Variants in DDX10 observed in about 807,000 individuals in gnomAD.
The protein encoded by DDX10 is probable ATP-dependent RNA helicase DDX10.
In DDX10, 74 loss-of-function variants were observed where a neutral mutation model predicts 104.3. That is an observed-to-expected ratio of 0.71 (90% CI 0.59 to 0.86). The LOEUF is 0.86. Among genes scored for constraint, DDX10 ranks in the 40% least tolerant of loss-of-function variants. DDX10 has a pLI of 0.00. For synonymous variants in DDX10, 351 were observed against 353.4 expected (o/e 0.99, Z 0.08); for missense variants, 952 against 1,040.0 (o/e 0.92, Z 1.16).
chr11:108,665,859 G>T (rs777135345), intron 1 of DDX10, among the ~76,000 whole-genome samples: 8 of 152,128 alleles, frequency 5.3e-5, no homozygotes, highest in African/African-American at 1.9e-4. Context: ...AAGCCAGACT[G>T]CATCCCTCAA....
chr11:108,687,677 A>G (rs767819576), intron 6 of DDX10, among the ~76,000 whole-genome samples: 2 of 152,142 alleles, frequency 1.3e-5, no homozygotes, highest in Non-Finnish European at 2.9e-5. Context: ...ATTTTGGAGA[A>G]CAGTCCTTTA....
In DDX10 at chr11:108,918,003, T is replaced by A; in HGVS notation, c.2435T>A (p.Met812Lys). ...RSSEDSDSED[M>K]ENKISDTKKK... ...TCTGAAGATTCAGATAGTGAAGATATGGAAAATAAAATAAGGTATGTTTTT... is the reference window on the plus strand; with the variant it reads ...TCTGAAGATTCAGATAGTGAAGATAAGGAAAATAAAATAAGGTATGTTTTT... Residue 812 changes from methionine (M) to lysine (K), a missense_variant, in exon 17 of 18, where the codon ATG (methionine) becomes AAG (lysine). Physicochemically the swap from Met to Lys is moderately conservative, Grantham distance 95 (BLOSUM62 -1). This residue lies in a region of DDX10 where 533 missense variants were observed against 534.1 expected (regional missense o/e 1.00). Transcript: ENST00000322536. 6.2e-7 allele frequency: 1 copy of A among 1,613,744 alleles called. No homozygotes were observed. The highest frequency in any genetic ancestry group is 8.5e-7 in the Non-Finnish European group (1 of 1,179,838).
rs534430281 is a variant in DDX10 at position 108,879,090 on chromosome 11, G to A, written c.2304+26881G>A. 7.2e-5 allele frequency among the ~76,000 whole-genome samples: 11 copies of A among 152,096 alleles called. No individual in the cohort carries two copies. In the South Asian group the frequency reaches 2.3e-3, roughly 32 times the overall value. On this transcript the variant is annotated intron_variant, in intron 16 of 17. Transcript: ENST00000322536. The stretch of plus-strand genomic sequence containing the variant: ...GCGATCTCGGCTCACTGCAACCTCC[G>A]CCTCCCAGGTTCAAGCGATTCCCGT...
intron 13 of DDX10, among the ~76,000 whole-genome samples, chr11:108,761,736 C>A (rs867359208): frequency 3.9e-5 from 6 of 152,036 alleles, no homozygotes; most frequent in South Asian, 2.1e-4. Flanking sequence ...TATCTTTTGG[C>A]CTCTGCCATT....
At chr11:108,697,881 G>T (rs1447088646) in intron 9 of DDX10, among the ~76,000 whole-genome samples, 1 of 152,184 alleles carries the variant, frequency 6.6e-6, no homozygotes, top group Non-Finnish European at 1.5e-5. Flanking sequence ...TTTATTTGGG[G>T]AGGGTAGGGG....
In DDX10 at chr11:108,838,470, A is replaced by T; in HGVS notation, c.1990A>T (p.Ile664Phe). 6.2e-7 allele frequency: 1 copy of T among 1,612,564 alleles called. No homozygotes were observed. The highest frequency in any genetic ancestry group is 8.5e-7 in the Non-Finnish European group (1 of 1,179,526). ...LQKKEPSKSS[I>F]KKKMTKVAEA... ...GAAGAAAGAACCTTCTAAATCCAGCATCAAGAAAAAAATGACCAAAGTTGC... is the reference window on the plus strand; with the variant it reads ...GAAGAAAGAACCTTCTAAATCCAGCTTCAAGAAAAAAATGACCAAAGTTGC... The change falls in exon 14 of 18, where the codon ATC becomes TTC. Residue 664 changes from isoleucine (I) to phenylalanine (F), a missense_variant. Ile to Phe is a conservative substitution (Grantham distance 21). This residue lies in a region of DDX10 where 533 missense variants were observed against 534.1 expected (regional missense o/e 1.00). Transcript: ENST00000322536.
At chr11:108,903,769 A>G (rs747114805) in intron 16 of DDX10, among the ~76,000 whole-genome samples, 4 of 152,142 alleles carry the variant, frequency 2.6e-5, no homozygotes, top group Non-Finnish European at 5.9e-5. Context: ...AGATACCAAG[A>G]GACAATTTTA....
At position 108,907,264 on chromosome 11, in the gene DDX10, G is replaced by A. The variant is rs140057166; in HGVS notation, c.2305-10609G>A. On this transcript the variant is annotated intron_variant, in intron 16 of 17. Transcript: ENST00000322536. Reference sequence around the variant, plus strand: ...AGGACCAATTCTGTACTGAGGTGGCGTTTGTCTGAATTTACCTGTTTGTTC... The same window carrying A: ...AGGACCAATTCTGTACTGAGGTGGCATTTGTCTGAATTTACCTGTTTGTTC... Among the ~76,000 whole-genome samples the A allele has an allele frequency of 1.1e-4, 16 of 151,692 alleles. No individual in the cohort carries two copies. The East Asian group carries it at 2.7e-3, about 26-fold the overall frequency.
intron 16 of DDX10, among the ~76,000 whole-genome samples, chr11:108,855,523 G>A (rs1416116185): frequency 6.6e-6 from 1 of 152,034 alleles, no homozygotes; most frequent in South Asian, 2.1e-4. Context: ...GCAGTGACGC[G>A]ATCTTGGCCC....
chr11:108,841,560 A>G (rs896874782), intron 15 of DDX10, 84 bp downstream of exon 15: 12 of 1,227,338 alleles, frequency 9.8e-6, no homozygotes, highest in African/African-American at 9.2e-5. Flanking sequence ...TTCATTAATA[A>G]GTGTATTATT....
chr11:108,915,872 A>G (rs566241239), intron 16 of DDX10, among the ~76,000 whole-genome samples: 1 of 151,998 alleles, frequency 6.6e-6, no homozygotes, highest in African/African-American at 2.4e-5. Context: ...CAATATTGCA[A>G]CAGAATGAAT....
intron 13 of DDX10, among the ~76,000 whole-genome samples, chr11:108,794,642 G>A (rs1861914069): frequency 6.6e-6 from 1 of 151,890 alleles, no homozygotes; most frequent in South Asian, 2.1e-4. Flanking sequence ...TTTTTGGTGG[G>A]GAGTTTGTTA....
chr11:108,769,653 CATCCTT>C (rs1215612022), intron 13 of DDX10, among the ~76,000 whole-genome samples: 1 of 151,906 alleles, frequency 6.6e-6, no homozygotes, highest in East Asian at 1.9e-4. Context: ...ATTATGAACT[CATCCTT>C]AGGTTGCTTC....
rs1864095274 is a variant in DDX10, at chr11:108,940,480, A to C, written c.*57A>C. 1 of 1,577,136 alleles carries C rather than the reference A, an allele frequency of 6.3e-7. No individual in the cohort carries two copies. The highest frequency in any genetic ancestry group is 8.6e-7 in the Non-Finnish European group (1 of 1,160,622). Reference sequence around the variant, plus strand: ...CTTGGTTATGACTGCGTAGGCAAGAAGTTGAAAAACAGTTGATTTGGGGGC... The same window carrying C: ...CTTGGTTATGACTGCGTAGGCAAGACGTTGAAAAACAGTTGATTTGGGGGC... On this transcript the variant is annotated 3_prime_UTR_variant, in exon 18 of 18. Transcript: ENST00000322536.
intron 13 of DDX10, among the ~76,000 whole-genome samples, chr11:108,759,815 A>G (rs1327584821): frequency 6.6e-6 from 1 of 151,950 alleles, no homozygotes; most frequent in Non-Finnish European, 1.5e-5. Context: ...TTTTGTTTTA[A>G]GATGCTGCCT....
chr11:108,778,225 T>C (rs1283459542), intron 13 of DDX10, among the ~76,000 whole-genome samples: 4 of 152,120 alleles, frequency 2.6e-5, no homozygotes, highest in Non-Finnish European at 5.9e-5. Flanking sequence ...AAAAAGAGCC[T>C]GCATTGCCAA....
intron 13 of DDX10, among the ~76,000 whole-genome samples, chr11:108,756,672 G>A (rs999708405): frequency 6.6e-6 from 1 of 152,008 alleles, no homozygotes; most frequent in Non-Finnish European, 1.5e-5. Flanking sequence ...ATTTTCCGCA[G>A]ATTTTAGGTT....
At chr11:108,747,813 A>C (rs1399757537) in intron 13 of DDX10, among the ~76,000 whole-genome samples, 1 of 152,150 alleles carries the variant, frequency 6.6e-6, no homozygotes, top group Non-Finnish European at 1.5e-5. Flanking sequence ...CTCTTGCTGG[A>C]AACATTATGA....
intron 13 of DDX10, among the ~76,000 whole-genome samples, chr11:108,771,586 C>T (rs930852810): frequency 6.6e-6 from 1 of 152,074 alleles, no homozygotes; most frequent in Non-Finnish European, 1.5e-5. Flanking sequence ...ACCTCGTGAT[C>T]CGTCCGCCTC....
Sources: allele counts gnomAD v4.1 joint callset (sites outside exome capture counted in the v4.1 genomes callset), GRCh38; gene constraint gnomAD v4.1.1; regional missense constraint gnomAD v4.1.1; transcripts MANE v1.5; gene names NCBI Gene and HGNC (gene_info 2026-07-23, HGNC 2026-07-21).